The following MALRD1 variants were observed in gnomAD, a reference collection of about 807,000 sequenced individuals.
The protein encoded by MALRD1 is MAM and LDL receptor class A domain containing 1.
MALRD1 carries 247 observed loss-of-function variants against 242.1 expected under a neutral mutation model. That is an observed-to-expected ratio of 1.02 (90% CI 0.92 to 1.13). MALRD1 has a LOEUF of 1.13. MALRD1 is among the 50% of genes most tolerant of loss of function. The pLI, the probability that MALRD1 is intolerant of heterozygous loss-of-function variation, is 0.00. For synonymous variants in MALRD1, 995 were observed against 866.6 expected, an observed-to-expected ratio of 1.15 and a Z score of -2.60; for missense variants, 2,989 against 2,533.1, an observed-to-expected ratio of 1.18 and a Z score of -3.86.
chr10:19,204,280 C>CA lies in MALRD1; in HGVS notation c.2105-28_2105-27insA, dbSNP rs1588693734. ...TTTAGAATCCAATAGGTTAATGAAGCGTTTTTTTTTTTTTTTTATCTCAAC... is the reference window on the plus strand; with the variant it reads ...TTTAGAATCCAATAGGTTAATGAAGCAGTTTTTTTTTTTTTTTTATCTCAAC... On this transcript the variant is annotated intron_variant, in intron 15 of 39. Transcript: ENST00000454679. 42 of 1,008,130 alleles carry CA rather than the reference C, an allele frequency of 4.2e-5. No homozygotes were observed. In the East Asian group the frequency reaches 1.1e-3, roughly 26 times the overall value. 62.4% of individuals were successfully genotyped at this position (1,008,130 alleles called of 1,614,324 possible).
chr10:19,342,429 C>G (rs1044585168), intron 24 of MALRD1, among the ~76,000 whole-genome samples: 2 of 151,978 alleles, frequency 1.3e-5, no homozygotes, highest in African/African-American at 4.8e-5. Flanking sequence ...AGAGCAAAAA[C>G]AAAGAAAACA....
chr10:19,528,349 C>A (rs1023569194), intron 31 of MALRD1, among the ~76,000 whole-genome samples: 3 of 152,182 alleles, frequency 2.0e-5, no homozygotes, highest in African/African-American at 7.2e-5. Context: ...AATCCCAGCA[C>A]TTTGGGAAGC....
chr10:19,418,765 A>C (rs145183176), intron 28 of MALRD1, among the ~76,000 whole-genome samples: 1 of 152,306 alleles, frequency 6.6e-6, no homozygotes, highest in East Asian at 1.9e-4. Context: ...AAGGTCAATA[A>C]ATTGTGATTG....
At chr10:19,387,273 A>G (rs1190417974) in intron 26 of MALRD1, among the ~76,000 whole-genome samples, 1 of 148,422 alleles carries the variant, frequency 6.7e-6, no homozygotes, top group Non-Finnish European at 1.5e-5. Context: ...ATGGAGGGGT[A>G]CTTTCCTAGA....
chr10:19,627,311 C>T (rs1207149894), intron 36 of MALRD1, among the ~76,000 whole-genome samples: 2 of 151,866 alleles, frequency 1.3e-5, no homozygotes, highest in East Asian at 3.9e-4. Context: ...GCTTAGTAAG[C>T]AGCTGTAAAA....
intron 21 of MALRD1, among the ~76,000 whole-genome samples, chr10:19,314,540 T>C (rs1471757982): frequency 6.6e-6 from 1 of 151,608 alleles, no homozygotes; most frequent in African/African-American, 2.4e-5. Flanking sequence ...AATACTTATG[T>C]AAATTTGAAG....
intron 21 of MALRD1, among the ~76,000 whole-genome samples, chr10:19,300,542 A>G (rs986020557): frequency 2.0e-5 from 3 of 151,990 alleles, no homozygotes; most frequent in Non-Finnish European, 4.4e-5. Context: ...TAAAGAACCC[A>G]GAAATAAAGC....
chr10:19,463,301 T>C (rs1335265480), intron 29 of MALRD1, among the ~76,000 whole-genome samples: 1 of 151,970 alleles, frequency 6.6e-6, no homozygotes, highest in Non-Finnish European at 1.5e-5. Flanking sequence ...CAATTTGTAG[T>C]TTTTTAATCC....
chr10:19,203,697 C>A lies in MALRD1; in HGVS notation c.1952-31C>A, dbSNP rs531022952. On this transcript the variant is annotated intron_variant, in intron 14 of 39. Transcript: ENST00000454679. ...CAAAGTGTGGGAGCAGTTTGGAGAG[C>A]CAACATAAGAGCCACATTTTTGTTC... 34 of 1,494,210 alleles carry A rather than the reference C, an allele frequency of 2.3e-5. No individual in the cohort carries two copies. The East Asian group carries it at 7.4e-4, about 33-fold the overall frequency. 92.6% of individuals were successfully genotyped at this position (1,494,210 alleles called of 1,614,324 possible). A position where few individuals can be genotyped will look rare whatever the true frequency, so the allele number is the denominator to read the frequency against.
chr10:19,289,655 C>G (rs1421399737), intron 21 of MALRD1, among the ~76,000 whole-genome samples: 1 of 152,088 alleles, frequency 6.6e-6, no homozygotes, highest in African/African-American at 2.4e-5. Context: ...AAAAACAGTT[C>G]TTATGCATCA....
At chr10:19,499,423 CA>C (rs1428915366) in intron 31 of MALRD1, among the ~76,000 whole-genome samples, 4 of 149,266 alleles carry the variant, frequency 2.7e-5, no homozygotes, top group African/African-American at 7.3e-5. Flanking sequence ...TGGCCTCCTC[CA>C]ATCAACTGAA....
rs1034533114 is a variant in MALRD1, at chr10:19,166,765, C to T, written c.1830+955C>T. Among the ~76,000 whole-genome samples the T allele has an allele frequency of 3.9e-5, 6 of 152,192 alleles. No individual in the cohort carries two copies. The East Asian group carries it at 1.2e-3, about 29-fold the overall frequency. ...AATTGTGTCTTGTCAAATGGGTGTTCTAATTTCTACCTTCCTGTATATAAG... is the reference window on the plus strand; with the variant it reads ...AATTGTGTCTTGTCAAATGGGTGTTTTAATTTCTACCTTCCTGTATATAAG... On this transcript the variant is annotated intron_variant, in intron 13 of 39. Transcript: ENST00000454679.
intron 28 of MALRD1, among the ~76,000 whole-genome samples, chr10:19,391,465 C>T (rs557364661): frequency 6.6e-6 from 1 of 152,278 alleles, no homozygotes. Flanking sequence ...TGAAAGCATC[C>T]TAGCTAGATG....
chr10:19,074,945 CA>C (rs112100987), intron 2 of MALRD1, among the ~76,000 whole-genome samples: 9,557 of 151,790 alleles, frequency 0.063, 451 homozygotes, highest in East Asian at 0.26. Context: ...TCTTTTGAAC[CA>C]TGATCATTTG....
Position 19,348,036 on chromosome 10 carries a change from C to G in MALRD1, c.4149+18C>G. The G allele has an allele frequency of 6.5e-7, 1 of 1,544,346 alleles. No homozygotes were observed. The highest frequency in any genetic ancestry group is 8.7e-7 in the Non-Finnish European group (1 of 1,143,676). On this transcript the variant is annotated intron_variant, in intron 25 of 39. Coordinates refer to ENST00000454679, the MANE Select transcript of MALRD1 (RefSeq NM_001142308.3). ...ACTGCAAGGTATGGGGAAAATCGAA[C>G]CAACCAACCAAACAAACACAGAATT...
chr10:19,726,166 A>T (rs975877156), intron 38 of MALRD1, among the ~76,000 whole-genome samples: 1 of 152,212 alleles, frequency 6.6e-6, no homozygotes, highest in East Asian at 1.9e-4. Context: ...TGAAAAGACA[A>T]TCTACAAAAT....
In MALRD1 at chr10:19,347,781, T is replaced by C. The variant is rs747061370; in HGVS notation, c.3912T>C (p.Ser1304=). Reference sequence around the variant, plus strand: ...GGAAATATTTTCCAGGTACCTCCAGTGGGCGCTGTGATTTCGAATTTGATC... The same window carrying C: ...GGAAATATTTTCCAGGTACCTCCAGCGGGCGCTGTGATTTCGAATTTGATC... The part of the protein sequence containing the change: ...DETTFICRTS[S]GRCDFEFDLC... The change falls in exon 25 of 40, where the codon AGT becomes AGC. Residue 1304 remains serine, a synonymous_variant. Coordinates refer to ENST00000454679, the MANE Select transcript of MALRD1 (RefSeq NM_001142308.3). 7.7e-6 allele frequency: 12 copies of C among 1,550,370 alleles called. No homozygotes were observed. The highest frequency in any genetic ancestry group is 1.0e-5 in the Non-Finnish European group (12 of 1,146,804).
At chr10:19,705,906 C>A (rs887775144) in intron 38 of MALRD1, among the ~76,000 whole-genome samples, 1 of 151,284 alleles carries the variant, frequency 6.6e-6, no homozygotes, top group Non-Finnish European at 1.5e-5. Context: ...TACCCCTTAC[C>A]CTTTTTCCAG....
chr10:19,640,081 T>G (rs1036986259), intron 36 of MALRD1, among the ~76,000 whole-genome samples: 2 of 152,118 alleles, frequency 1.3e-5, no homozygotes, highest in African/African-American at 4.8e-5. Context: ...CTTCATTGTC[T>G]TCTTTTTTAA....
Sources: gnomAD v4.1 joint callset for allele counts (sites outside exome capture counted in the v4.1 genomes callset) on GRCh38, gnomAD v4.1.1 for gene constraint, MANE v1.5 for transcripts, NCBI Gene and HGNC (gene_info 2026-07-23, HGNC 2026-07-21) for gene names.